ITPR1: variants seen among roughly 807,000 people sequenced by gnomAD.
ITPR1 encodes the protein inositol 1,4,5-trisphosphate receptor type 1, also known as inositol 1,4,5-trisphosphate-gated calcium channel ITPR1.
ITPR1 carries 96 observed loss-of-function variants against 318.4 expected under a neutral mutation model. The observed-to-expected ratio is 0.30, with a 90% CI of 0.26 to 0.36. The LOEUF (loss-of-function observed/expected upper bound fraction) is 0.36, where lower values mean the gene tolerates loss of function less well. Among genes scored for constraint, ITPR1 ranks in the 10% least tolerant of loss-of-function variants. The probability of loss-of-function intolerance (pLI) is 1.00; values close to 1 mark genes in which losing one functional copy is unlikely to be tolerated. For missense variants in ITPR1, 2,440 were observed against 3,460.2 expected (o/e 0.71, Z 7.40); for synonymous variants, 1,312 against 1,289.9 (o/e 1.02, Z -0.37).
chr3:4,505,672 G>C (rs2124888758), intron 2 of ITPR1, among the ~76,000 whole-genome samples: 1 of 152,342 alleles, frequency 6.6e-6, no homozygotes, highest in African/African-American at 2.4e-5. Context: ...AAGAATGACT[G>C]TCCAAATGCA....
intron 14 of ITPR1, 32 bp downstream of exon 14, chr3:4,661,119 G>T (rs2093823105): frequency 7.7e-7 from 1 of 1,295,400 alleles, no homozygotes; most frequent in Non-Finnish European, 1.1e-6. Flanking sequence ...TCTCCTTTTG[G>T]TCTCGTGTTT....
intron 46 of ITPR1, among the ~76,000 whole-genome samples, chr3:4,773,668 C>T (rs1362030172): frequency 1.3e-5 from 2 of 152,212 alleles, no homozygotes; most frequent in Non-Finnish European, 2.9e-5. Context: ...AACACTCCTC[C>T]AGCGCCCCTG....
At chr3:4,711,104 CT>C (rs1211726629) in intron 38 of ITPR1, among the ~76,000 whole-genome samples, 4 of 149,502 alleles carry the variant, frequency 2.7e-5, no homozygotes, top group Non-Finnish European at 4.4e-5. Flanking sequence ...CCCAGCTACT[CT>C]GTGGCTGAGG....
At chr3:4,566,318 T>A (rs2087245351) in intron 4 of ITPR1, among the ~76,000 whole-genome samples, 1 of 152,176 alleles carries the variant, frequency 6.6e-6, no homozygotes, top group African/African-American at 2.4e-5. Context: ...ACAGTTACCT[T>A]AATGAACTCT....
chr3:4,599,257 G>C (rs1203537853), intron 4 of ITPR1, among the ~76,000 whole-genome samples: 1 of 152,204 alleles, frequency 6.6e-6, no homozygotes, highest in South Asian at 2.1e-4. Context: ...CACAGAGCCT[G>C]TGTTCATGGC....
chr3:4,620,949 AACTG>A (rs1016281177), intron 4 of ITPR1, among the ~76,000 whole-genome samples: 1 of 151,810 alleles, frequency 6.6e-6, no homozygotes, highest in African/African-American at 2.4e-5. Context: ...ACCTTTAAAT[AACTG>A]ACTGTTCTAT....
intron 2 of ITPR1, among the ~76,000 whole-genome samples, chr3:4,497,589 T>C (rs2080692306): frequency 6.6e-6 from 1 of 152,150 alleles, no homozygotes; most frequent in African/African-American, 2.4e-5. Context: ...AGAAATTAGA[T>C]CCCTTGTGCA....
chr3:4,680,469 C>A, intron 24 of ITPR1, 84 bp from the exon 25 acceptor site: 2 of 1,236,170 alleles, frequency 1.6e-6, no homozygotes, highest in Non-Finnish European at 2.3e-6. Context: ...TGATACCAGG[C>A]CCCGCCAGTG....
chr3:4,526,567 C>T (rs1314602180), intron 4 of ITPR1, among the ~76,000 whole-genome samples: 1 of 152,234 alleles, frequency 6.6e-6, no homozygotes, highest in African/African-American at 2.4e-5. Context: ...GAGAAACAGA[C>T]CCACATTATA....
intron 4 of ITPR1, among the ~76,000 whole-genome samples, chr3:4,622,383 G>T (rs1208579889): frequency 1.3e-5 from 2 of 151,236 alleles, no homozygotes; most frequent in Non-Finnish European, 2.9e-5. Context: ...AAAGTGCTGG[G>T]ATTACAGGCA....
At chr3:4,693,834 G>T (rs2094516678) in intron 33 of ITPR1, 93 bp downstream of exon 33, 2 of 1,394,800 alleles carry the variant, frequency 1.4e-6, no homozygotes, top group East Asian at 2.5e-5. Context: ...CTGGCCTGGG[G>T]GAGCCCTCAT....
chr3:4,801,457 G>A (rs936622517), intron 54 of ITPR1, among the ~76,000 whole-genome samples: 4 of 152,108 alleles, frequency 2.6e-5, no homozygotes, highest in Non-Finnish European at 5.9e-5. Flanking sequence ...GAGGCAGGAT[G>A]GAAGTTAGGG....
chr3:4,677,884 C>T (rs11716177), intron 24 of ITPR1, among the ~76,000 whole-genome samples: 6,291 of 151,034 alleles, frequency 0.042, 184 homozygotes, highest in Non-Finnish European at 0.068. Flanking sequence ...AAGGCTTGGT[C>T]GTAGGCATGA....
At chr3:4,598,796 CAG>C (rs1318371556) in intron 4 of ITPR1, among the ~76,000 whole-genome samples, 1 of 152,170 alleles carries the variant, frequency 6.6e-6, no homozygotes, top group Non-Finnish European at 1.5e-5. Context: ...GGCTCTAAAT[CAG>C]AGTGTTTCAA....
Position 4,685,328 on chromosome 3 carries a change from A to G in ITPR1, c.3702+122A>G, listed in dbSNP as rs78245904. ...TGCATCCAGTGTGACTATTGTGACT[A>G]CAAAGCAATTTCAGGTATTGATATG... On this transcript the variant is annotated intron_variant, in intron 30 of 61. Transcript: ENST00000649015. 9,864 of 1,000,284 alleles carry G rather than the reference A, an allele frequency of 9.9e-3. 572 individuals carry two copies. The African/African-American group carries it at 0.13, about 14-fold the overall frequency. The allele number at this position is 1,000,284 out of a possible 1,614,324, so 62.0% of individuals were successfully genotyped here. A position where few individuals can be genotyped will look rare whatever the true frequency, so the allele number is the denominator to read the frequency against.
At chr3:4,600,645 T>C (rs1221930302) in intron 4 of ITPR1, among the ~76,000 whole-genome samples, 1 of 152,224 alleles carries the variant, frequency 6.6e-6, no homozygotes, top group Non-Finnish European at 1.5e-5. Context: ...GTCCGTGGAC[T>C]GTTTAGTAAC....
intron 11 of ITPR1, among the ~76,000 whole-genome samples, chr3:4,653,613 C>G (rs946693825): frequency 6.6e-6 from 1 of 152,118 alleles, no homozygotes; most frequent in Non-Finnish European, 1.5e-5. Context: ...CATTGTCTTC[C>G]TCTGTCTATA....
chr3:4,718,948 T>C (rs1222611081), intron 40 of ITPR1, among the ~76,000 whole-genome samples: 1 of 152,204 alleles, frequency 6.6e-6, no homozygotes, highest in Non-Finnish European at 1.5e-5. Flanking sequence ...CTCTGAAATA[T>C]TGAGGTTGAG....
At chr3:4,529,473 A>T (rs545113722) in intron 4 of ITPR1, among the ~76,000 whole-genome samples, 2 of 152,198 alleles carry the variant, frequency 1.3e-5, no homozygotes, top group Admixed American at 1.3e-4. Context: ...TCTTTTGGCA[A>T]AGGGTTTTAT....
Sources: gnomAD v4.1 joint callset for allele counts (sites outside exome capture counted in the v4.1 genomes callset) on GRCh38, gnomAD v4.1.1 for gene constraint, MANE v1.5 for transcripts, NCBI Gene and HGNC (gene_info 2026-07-23, HGNC 2026-07-21) for gene names.